The following RORA variants were observed in gnomAD, a reference collection of about 807,000 sequenced individuals.
The protein encoded by RORA is nuclear receptor ROR-alpha.
In RORA, 7 loss-of-function variants were observed where a neutral mutation model predicts 69.5. The ratio of observed to expected loss-of-function variants is 0.10; its 90% CI spans 0.06 to 0.19. The LOEUF (loss-of-function observed/expected upper bound fraction) is 0.19. Among genes scored for constraint, RORA ranks in the 10% least tolerant of loss-of-function variants. The probability of loss-of-function intolerance (pLI) is 1.00; values close to 1 mark genes in which losing one functional copy is unlikely to be tolerated. For synonymous variants in RORA, 261 were observed against 240.8 expected, an observed-to-expected ratio of 1.08 and a Z score of -0.78; for missense variants, 457 against 663.0, an observed-to-expected ratio of 0.69 and a Z score of 3.41.
intron 1 of RORA, among the ~76,000 whole-genome samples, chr15:60,820,967 A>G (rs2072885835): frequency 8.6e-6 from 1 of 116,400 alleles, no homozygotes; most frequent in Non-Finnish European, 1.7e-5. Flanking sequence ...CCCACCCCCC[A>G]CCCCAGCTCT....
chr15:60,777,108 T>C (rs1041711229), intron 1 of RORA, among the ~76,000 whole-genome samples: 1 of 152,200 alleles, frequency 6.6e-6, no homozygotes, highest in Non-Finnish European at 1.5e-5. Context: ...AGCTGTCCCA[T>C]ACTCTAAAAC....
intron 1 of RORA, among the ~76,000 whole-genome samples, chr15:61,040,476 A>C (rs1595906821): frequency 6.6e-6 from 1 of 151,944 alleles, no homozygotes; most frequent in East Asian, 1.9e-4. Context: ...CTGTTTCTAC[A>C]TGTAATACTG....
intron 1 of RORA, among the ~76,000 whole-genome samples, chr15:61,214,666 C>T (rs1420693106): frequency 6.6e-6 from 1 of 152,032 alleles, no homozygotes; most frequent in Non-Finnish European, 1.5e-5. Flanking sequence ...TGGCAGAATG[C>T]AGAGAGGGGG....
chr15:61,017,498 C>T (rs369302763), intron 1 of RORA, among the ~76,000 whole-genome samples: 1 of 152,064 alleles, frequency 6.6e-6, no homozygotes, highest in South Asian at 2.1e-4. Flanking sequence ...GTCTAGAAAT[C>T]CCAGTTTGCA....
chr15:60,839,711 C>T (rs889461106), intron 1 of RORA, among the ~76,000 whole-genome samples: 1 of 152,228 alleles, frequency 6.6e-6, no homozygotes, highest in Non-Finnish European at 1.5e-5. Flanking sequence ...GCACAGTGTA[C>T]AGCCTACACG....
At chr15:60,883,713 G>A (rs553118896) in intron 1 of RORA, among the ~76,000 whole-genome samples, 4 of 152,280 alleles carry the variant, frequency 2.6e-5, no homozygotes, top group South Asian at 2.1e-4. Context: ...ATAAGCATGT[G>A]CTACTTTTAT....
At chr15:60,549,265 G>T (rs541113759) in intron 2 of RORA, among the ~76,000 whole-genome samples, 1 of 152,302 alleles carries the variant, frequency 6.6e-6, no homozygotes, top group African/African-American at 2.4e-5. Flanking sequence ...CTGGGCATGA[G>T]AGAAGAAAAT....
At chr15:60,691,259 C>T (rs116639878) in intron 1 of RORA, among the ~76,000 whole-genome samples, 1 of 152,152 alleles carries the variant, frequency 6.6e-6, no homozygotes, top group Non-Finnish European at 1.5e-5. Context: ...TCCCTGCCCC[C>T]CTCTCCATTT....
chr15:60,824,492 T>C (rs1259057109), intron 1 of RORA, among the ~76,000 whole-genome samples: 1 of 151,988 alleles, frequency 6.6e-6, no homozygotes, highest in African/African-American at 2.4e-5. Context: ...GGGTGTTACA[T>C]TCAGTAATAA....
At chr15:61,189,127 A>T (rs1596059281) in intron 1 of RORA, among the ~76,000 whole-genome samples, 2 of 152,092 alleles carry the variant, frequency 1.3e-5, no homozygotes, top group Non-Finnish European at 2.9e-5. Flanking sequence ...AGAAACAGCA[A>T]CCCACGAGCC....
chr15:60,728,406 A>G (rs1380822333), intron 1 of RORA, among the ~76,000 whole-genome samples: 1 of 152,172 alleles, frequency 6.6e-6, no homozygotes, highest in Non-Finnish European at 1.5e-5. Flanking sequence ...CTGCTTGTGT[A>G]GGGACTAGGT....
intron 1 of RORA, among the ~76,000 whole-genome samples, chr15:60,717,548 C>T (rs2071235806): frequency 6.6e-6 from 1 of 152,162 alleles, no homozygotes. Flanking sequence ...CCTTTCTTGG[C>T]AGTAAGTTAT....
Position 60,538,472 on chromosome 15 carries a change from C to T in RORA, c.197-6621G>A, listed in dbSNP as rs1275788496. 3.4e-5 allele frequency among the ~76,000 whole-genome samples: 5 copies of T among 147,690 alleles called. No homozygotes were observed. In the East Asian group the frequency reaches 5.8e-4, roughly 17 times the overall value. On this transcript the variant is annotated intron_variant, in intron 2 of 10. Transcript: ENST00000335670. ...GCCACATCATTCATGGCAAAGATTG[C>T]GATGCTGTGTCCTATTACCCATATC...
chr15:60,889,818 T>C (rs1173314815), intron 1 of RORA, among the ~76,000 whole-genome samples: 1 of 152,234 alleles, frequency 6.6e-6, no homozygotes, highest in Non-Finnish European at 1.5e-5. Flanking sequence ...TTTCTATGTA[T>C]GAACTCACAC....
intron 1 of RORA, among the ~76,000 whole-genome samples, chr15:60,697,565 T>C (rs1265182777): frequency 7.2e-6 from 1 of 139,296 alleles, no homozygotes; most frequent in Non-Finnish European, 1.5e-5. Context: ...TCAAGTCTAC[T>C]TTTTTTTTTT....
chr15:60,972,959 T>C (rs780852722), intron 1 of RORA, among the ~76,000 whole-genome samples: 1 of 150,450 alleles, frequency 6.6e-6, no homozygotes, highest in Non-Finnish European at 1.5e-5. Flanking sequence ...CTTCAGTTAA[T>C]AGATGAGGTC....
chr15:60,803,812 G>A (rs2072620731), intron 1 of RORA, among the ~76,000 whole-genome samples: 1 of 152,116 alleles, frequency 6.6e-6, no homozygotes, highest in South Asian at 2.1e-4. Flanking sequence ...AAAAGAGATG[G>A]CACAGAAACA....
chr15:60,682,731 A>G (rs571035283), intron 1 of RORA, among the ~76,000 whole-genome samples: 2 of 152,352 alleles, frequency 1.3e-5, no homozygotes, highest in South Asian at 4.1e-4. Context: ...AAGGGCATCG[A>G]ACCAAGTCCA....
chr15:60,517,650 G>A (rs1199363662), intron 3 of RORA, among the ~76,000 whole-genome samples: 1 of 152,108 alleles, frequency 6.6e-6, no homozygotes, highest in African/African-American at 2.4e-5. Context: ...ATTTTCCCCT[G>A]AGACACATAA....
Sources: gnomAD v4.1 joint callset for allele counts (sites outside exome capture counted in the v4.1 genomes callset) on GRCh38, gnomAD v4.1.1 for gene constraint, MANE v1.5 for transcripts, NCBI Gene and HGNC (gene_info 2026-07-23, HGNC 2026-07-21) for gene names.